SLC38A2: variants seen among roughly 807,000 people sequenced by gnomAD.
The protein encoded by SLC38A2 is sodium-coupled neutral amino acid symporter 2.
In SLC38A2, 11 loss-of-function variants were observed where a neutral mutation model predicts 61.5. That is an observed-to-expected ratio of 0.18 (90% confidence interval 0.11 to 0.30). SLC38A2 has a LOEUF of 0.30. Ranked by LOEUF, SLC38A2 falls within the 10% of genes least tolerant of loss-of-function variation. The pLI, the probability that SLC38A2 is intolerant of heterozygous loss-of-function variation, is 1.00. For synonymous variants in SLC38A2, 217 were observed against 212.5 expected (o/e 1.02, Z -0.18); for missense variants, 522 against 600.4 (o/e 0.87, Z 1.36).
At chr12:46,370,673 T>C in intron 3 of SLC38A2, 46 bp from the exon 4 acceptor site, 10 of 1,565,852 alleles carry the variant, frequency 6.4e-6, no homozygotes, top group Non-Finnish European at 8.8e-6. Context: ...AATAATTAAA[T>C]GGAGAAAACC....
intron 4 of SLC38A2, 55 bp downstream of exon 4, chr12:46,370,457 T>G: frequency 3.8e-6 from 5 of 1,318,134 alleles, no homozygotes; most frequent in African/African-American, 2.9e-5. Flanking sequence ...AGCCAAAATA[T>G]GTTTTACCAT....
chr12:46,360,904 T>C lies in SLC38A2; in HGVS notation c.*207A>G, dbSNP rs1398375259. 3.9e-6 allele frequency: 2 copies of C among 514,116 alleles called. No individual in the cohort carries two copies. The highest frequency in any genetic ancestry group is 6.8e-6 in the Non-Finnish European group (2 of 292,732). 31.8% of individuals were successfully genotyped at this position (514,116 alleles called of 1,614,324 possible). On this transcript the variant is annotated 3_prime_UTR_variant, in exon 16 of 16. Transcript: ENST00000256689. Reference sequence around the variant, plus strand: ...TAACCCGAGACTCGTGGTTTTGTTGTTCATATCCATTTCTAACATACAGAT... The same window carrying C: ...TAACCCGAGACTCGTGGTTTTGTTGCTCATATCCATTTCTAACATACAGAT...
intron 15 of SLC38A2, chr12:46,361,819 C>T (rs1464339967): frequency 6.4e-6 from 1 of 156,970 alleles, no homozygotes; most frequent in African/African-American, 2.4e-5. Context: ...CTGTCACCAA[C>T]TGGTACTACA....
At position 46,363,705 on chromosome 12, in the gene SLC38A2, G is replaced by T. The variant is rs750751176; in HGVS notation, c.1054+21C>A. 26 of 1,451,272 alleles carry T rather than the reference G, an allele frequency of 1.8e-5. No individual in the cohort carries two copies. In the African/African-American group the frequency reaches 1.9e-4, roughly 11 times the overall value. 89.9% of individuals were successfully genotyped at this position (1,451,272 alleles called of 1,614,324 possible). On this transcript the variant is annotated intron_variant, in intron 12 of 15. Coordinates refer to ENST00000256689, the MANE Select transcript of SLC38A2 (RefSeq NM_018976.5). ...TTTTTTTTGTTTTTGTTTTTGTTTT[G>T]GTAAAGGAGGCGTTACTTACCGTAA...
chr12:46,367,427 T>C (rs1943150729), intron 4 of SLC38A2, 87 bp from the exon 5 acceptor site: 2 of 777,838 alleles, frequency 2.6e-6, no homozygotes, highest in Admixed American at 2.1e-5. Flanking sequence ...AATAACATTA[T>C]GTGTGCAACT....
rs1943195943 is a variant in SLC38A2 at position 46,371,329 on chromosome 12, C to T, written c.-36G>A. The T allele has an allele frequency of 1.9e-6, 3 of 1,551,610 alleles. No homozygotes were observed. Among genetic ancestry groups the T allele is most frequent in the African/African-American group, 1.4e-5 (1 of 73,768 alleles). On this transcript the variant is annotated 5_prime_UTR_variant, in exon 2 of 16. Coordinates refer to ENST00000256689, the MANE Select transcript of SLC38A2 (RefSeq NM_018976.5). ...GGGAGGAATCGGGTGCAGCTAGTAG[C>T]GCTGGGCTCCTTTTGTCCTTGGCGG...
At chr12:46,372,022 G>A (rs1183838617) in intron 1 of SLC38A2, among the ~76,000 whole-genome samples, 1 of 152,078 alleles carries the variant, frequency 6.6e-6, no homozygotes, top group East Asian at 1.9e-4. Flanking sequence ...TGCTACGCCC[G>A]CCCAGCCCCT....
Position 46,371,167 on chromosome 12 carries a change from A to G in SLC38A2, c.116+11T>C, listed in dbSNP as rs754433601. 6.2e-7 allele frequency: 1 copy of G among 1,613,494 alleles called. No individual in the cohort carries two copies. The highest frequency in any genetic ancestry group is 1.1e-5 in the South Asian group (1 of 91,068). ...AAGCCGTTTTTTCAAAAGTGTCACA[A>G]CTTCTCCCACCTTTTCAGAGCAGCT... On this transcript the variant is annotated intron_variant, in intron 2 of 15. Transcript: ENST00000256689.
Position 46,363,751 on chromosome 12 carries a change from G to C in SLC38A2, c.1029C>G (p.Ala343=). The change falls in exon 12 of 16, where the codon GCC becomes GCG. Residue 343 remains alanine, a synonymous_variant. Coordinates refer to ENST00000256689, the MANE Select transcript of SLC38A2 (RefSeq NM_018976.5). ...CGTAAAATGTTAGGTATCCAAAGAG[G>C]GCGGCAAGCAGATACATGAGAAACA... The part of the protein sequence containing the change: ...FAMFLMYLLA[A]LFGYLTFYEH... The C allele has an allele frequency of 1.9e-6, 3 of 1,588,668 alleles. No individual in the cohort carries two copies. Among genetic ancestry groups the C allele is most frequent in the Non-Finnish European group, 2.6e-6 (3 of 1,172,106 alleles).
intron 2 of SLC38A2, 134 bp downstream of exon 2, chr12:46,371,044 G>C: frequency 2.3e-6 from 2 of 880,086 alleles, no homozygotes. Flanking sequence ...CAAGATAATC[G>C]GATACTCTTT....
chr12:46,371,357 G>A lies in SLC38A2; in HGVS notation c.-64C>T, dbSNP rs1943196546. 1.5e-6 allele frequency: 2 copies of A among 1,336,308 alleles called. No individual in the cohort carries two copies. The highest frequency in any genetic ancestry group is 2.1e-6 in the Non-Finnish European group (2 of 938,970). The allele number at this position is 1,336,308 out of a possible 1,614,324, so 82.8% of individuals were successfully genotyped here. On this transcript the variant is annotated 5_prime_UTR_variant, in exon 2 of 16. Coordinates refer to ENST00000256689, the MANE Select transcript of SLC38A2 (RefSeq NM_018976.5). ...TGGGCTCCTTTTGTCCTTGGCGGTG[G>A]GTGCAGCGGCCCGCGAGTCGGCCTG...
intron 7 of SLC38A2, 125 bp downstream of exon 7, chr12:46,366,739 G>A: frequency 2.2e-6 from 2 of 889,466 alleles, no homozygotes; most frequent in Admixed American, 6.5e-5. Flanking sequence ...GGGCCTTCTT[G>A]GTCAGTTTCA....
At position 46,372,553 on chromosome 12, in the gene SLC38A2, C is replaced by T; in HGVS notation, c.-131G>A. Reference sequence around the variant, plus strand: ...ACGCAGACGTCTTCAGTGGGTTTCTCTCAGTCAAATACAAATCATAAAAAA... The same window carrying T: ...ACGCAGACGTCTTCAGTGGGTTTCTTTCAGTCAAATACAAATCATAAAAAA... On this transcript the variant is annotated 5_prime_UTR_variant, in exon 1 of 16. Coordinates refer to ENST00000256689, the MANE Select transcript of SLC38A2 (RefSeq NM_018976.5). The T allele has an allele frequency of 2.5e-6, 1 of 393,468 alleles. No homozygotes were observed. The highest frequency in any genetic ancestry group is 4.5e-6 in the Non-Finnish European group (1 of 223,102). 24.4% of individuals were successfully genotyped at this position (393,468 alleles called of 1,614,324 possible).
In SLC38A2 at chr12:46,362,394, A is replaced by AT; in HGVS notation, c.1325-14dup. On this transcript the variant is annotated splice_polypyrimidine_tract_variant and intron_variant, in intron 14 of 15. Coordinates refer to ENST00000256689, the MANE Select transcript of SLC38A2 (RefSeq NM_018976.5). ...GCTGCAGATGCACCTGTAAAACAAC[A>AT]TTTATGTTTCTTGAGGATTCAATGA... The AT allele has an allele frequency of 6.2e-7, 1 of 1,605,168 alleles. No individual in the cohort carries two copies. Among genetic ancestry groups the AT allele is most frequent in the African/African-American group, 1.3e-5 (1 of 74,532 alleles).
intron 4 of SLC38A2, 23 bp downstream of exon 4, chr12:46,370,489 A>G: frequency 6.5e-7 from 1 of 1,542,212 alleles, no homozygotes; most frequent in Non-Finnish European, 9.0e-7. Context: ...TGCATGGCAG[A>G]CTCACTACTT....
In SLC38A2 at chr12:46,367,015, C is replaced by A; in HGVS notation, c.481+61G>T. 3 of 1,603,664 alleles carry A rather than the reference C, an allele frequency of 1.9e-6. No homozygotes were observed. The South Asian group carries it at 3.3e-5, about 18-fold the overall frequency. ...ACGTGACACTAAAACGCATGTGTCA[C>A]CATTCTGTGCTCCACAATGAGCATA... On this transcript the variant is annotated intron_variant, in intron 6 of 15. Transcript: ENST00000256689.
rs773609778 is a variant in SLC38A2, at chr12:46,362,606, T to G, written c.1212A>C (p.Ala404=). 1.3e-6 allele frequency: 2 copies of G among 1,588,822 alleles called. No homozygotes were observed. The highest frequency in any genetic ancestry group is 1.4e-5 in the African/African-American group (1 of 73,162). ...GACGCCACCAACTGAAATCTTTTGATGCACACAACAAGTGAGTTACAGAAC... is the reference window on the plus strand; with the variant it reads ...GACGCCACCAACTGAAATCTTTTGAGGCACACAACAAGTGAGTTACAGAAC... The part of the protein sequence containing the change: ...IRSSVTHLLC[A]SKDFSWWRHS... The change falls in exon 14 of 16, where the codon GCA becomes GCC. Residue 404 remains alanine, a synonymous_variant. Transcript: ENST00000256689.
chr12:46,370,076 T>C (rs1034889709), intron 4 of SLC38A2, among the ~76,000 whole-genome samples: 1 of 152,134 alleles, frequency 6.6e-6, no homozygotes, highest in Non-Finnish European at 1.5e-5. Context: ...TTAGAGAAAT[T>C]TTCTTTTCCT....
chr12:46,364,506 T>TGTTTC lies in SLC38A2; in HGVS notation c.755_756insGAAAC (p.Ile252MetfsTer8). On this transcript the variant is annotated frameshift_variant, in exon 10 of 16. Coordinates refer to ENST00000256689, the MANE Select transcript of SLC38A2 (RefSeq NM_018976.5). LOFTEE classifies it high-confidence loss of function. ...AGGTGGTGTTTATTGTTTCGTTAAT[T>TGTTTC]ATCAAAGCAGCTTCCACAGGACACG... The TGTTTC allele has an allele frequency of 6.2e-7, 1 of 1,612,348 alleles. No individual in the cohort carries two copies.
Sources: gnomAD v4.1 joint callset for allele counts (sites outside exome capture counted in the v4.1 genomes callset) on GRCh38, gnomAD v4.1.1 for gene constraint, MANE v1.5 for transcripts, NCBI Gene and HGNC (gene_info 2026-07-23, HGNC 2026-07-21) for gene names.